AKAP9: variants seen among roughly 807,000 people sequenced by gnomAD.
AKAP9 encodes A-kinase anchor protein 9.
Under a neutral mutation model 488.5 loss-of-function variants are expected in AKAP9, and 311 were observed. The ratio of observed to expected loss-of-function variants is 0.64; its 90% CI spans 0.58 to 0.70. The LOEUF (loss-of-function observed/expected upper bound fraction) is 0.70. Among genes scored for constraint, AKAP9 ranks in the 30% least tolerant of loss-of-function variants. The pLI is 0.00. For missense variants in AKAP9, 4,215 were observed against 4,374.5 expected (o/e 0.96, Z 1.03); for synonymous variants, 1,462 against 1,483.5 (o/e 0.99, Z 0.33).
At position 92,083,493 on chromosome 7, in the gene AKAP9, T is replaced by G; in HGVS notation, c.8484T>G (p.Ile2828Met). Reference sequence around the variant, plus strand: ...TAATCAGTCAGTTTACTGAAAAAATTGAGAAGATGCAAGAACTACATGCTG... The same window carrying G: ...TAATCAGTCAGTTTACTGAAAAAATGGAGAAGATGCAAGAACTACATGCTG... ...TEIISQFTEK[I>M]EKMQELHAAE... is the part of the protein sequence containing the mutation. Residue 2828 changes from isoleucine (I) to methionine (M), a missense_variant, in exon 33 of 50, where the codon ATT becomes ATG. This residue lies in a region of AKAP9 where 1,476 missense variants were observed against 1,477.4 expected (regional missense o/e 1.00). Transcript: ENST00000356239. 6.2e-7 allele frequency: 1 copy of G among 1,612,140 alleles called. No homozygotes were observed. Among genetic ancestry groups the G allele is most frequent in the Non-Finnish European group, 8.5e-7 (1 of 1,179,138 alleles).
At chr7:91,983,205 C>T (rs919958388) in intron 3 of AKAP9, among the ~76,000 whole-genome samples, 2 of 152,048 alleles carry the variant, frequency 1.3e-5, no homozygotes, top group South Asian at 2.1e-4. Context: ...TCCTCCTGCC[C>T]GCCACCCCAC....
At chr7:92,086,446 T>G in intron 37 of AKAP9, 30 bp downstream of exon 37, 1 of 1,541,950 alleles carries the variant, frequency 6.5e-7, no homozygotes, top group South Asian at 1.1e-5. Flanking sequence ...TAAAAACACT[T>G]TAATAGAAAT....
At chr7:91,966,357 AT>A (rs975442579) in intron 1 of AKAP9, among the ~76,000 whole-genome samples, 2 of 151,588 alleles carry the variant, frequency 1.3e-5, no homozygotes, top group African/African-American at 4.8e-5. Context: ...TTTTGATGTG[AT>A]TTTTTTTGTA....
At chr7:92,089,347 A>C in intron 37 of AKAP9, 38 bp from the exon 38 acceptor site, 1 of 1,608,632 alleles carries the variant, frequency 6.2e-7, no homozygotes, top group Non-Finnish European at 8.5e-7. Flanking sequence ...TTGCCTTTAC[A>C]TTGCTCTTCA....
In AKAP9 at chr7:91,942,651, AGCAGT is replaced by A. The variant is rs1790919167; in HGVS notation, c.48+1505_48+1509del. The stretch of plus-strand genomic sequence containing the variant: ...AAATGTCTTTCCTGAATATATGTGA[AGCAGT>A]CCTACAAAACATGGTTTACTTTGGA... On this transcript the variant is annotated intron_variant, in intron 1 of 49. Coordinates refer to ENST00000356239, the MANE Select transcript of AKAP9 (RefSeq NM_005751.5). Among the ~76,000 whole-genome samples, 4 of 152,366 alleles carry A rather than the reference AGCAGT, an allele frequency of 2.6e-5. 1 individual carries two copies.
At chr7:91,993,174 C>A (rs1340209161) in intron 5 of AKAP9, 119 bp downstream of exon 5, 4 of 1,035,620 alleles carry the variant, frequency 3.9e-6, no homozygotes, top group African/African-American at 3.3e-5. Flanking sequence ...TTTTTCTTTT[C>A]TTTTCTTCTT....
At chr7:92,078,925 T>C (rs970368809) in intron 30 of AKAP9, among the ~76,000 whole-genome samples, 154 bp from the exon 31 acceptor site, 1 of 152,184 alleles carries the variant, frequency 6.6e-6, no homozygotes. Flanking sequence ...GGGGGAGATA[T>C]TGGTCTATAA....
At chr7:91,969,737 T>C (rs1005423672) in intron 1 of AKAP9, among the ~76,000 whole-genome samples, 13 of 152,192 alleles carry the variant, frequency 8.5e-5, no homozygotes, top group South Asian at 2.1e-4. Context: ...CTGTTCTTTT[T>C]TGGTGTCCAG....
chr7:92,028,839 G>T (rs940395747), intron 14 of AKAP9, among the ~76,000 whole-genome samples: 1 of 152,188 alleles, frequency 6.6e-6, no homozygotes, highest in African/African-American at 2.4e-5. Context: ...CCATGGAAGT[G>T]TGCCAAGATA....
In AKAP9 at chr7:92,102,450, ACTACTAC is replaced by A. The variant is rs1178698621; in HGVS notation, c.11098-143_11098-137del. 3.0e-5 allele frequency: 3 copies of A among 100,564 alleles called. No individual in the cohort carries two copies. In the East Asian group the frequency reaches 6.2e-4, roughly 21 times the overall value. 6.2% of individuals were successfully genotyped at this position (100,564 alleles called of 1,614,324 possible). On this transcript the variant is annotated intron_variant, in intron 45 of 49. Coordinates refer to ENST00000356239, the MANE Select transcript of AKAP9 (RefSeq NM_005751.5). Reference sequence around the variant, plus strand: ...GATAGGAACCTGCCGTTTTACTATTACTACTACTACTACTACTACTACTACTACTACT... The same window carrying A: ...GATAGGAACCTGCCGTTTTACTATTATACTACTACTACTACTACTACTACT...
intron 38 of AKAP9, among the ~76,000 whole-genome samples, chr7:92,091,792 G>T (rs1815684119): frequency 6.6e-6 from 1 of 152,022 alleles, no homozygotes; most frequent in Non-Finnish European, 1.5e-5. Flanking sequence ...ACCATTGAAA[G>T]CTTAATGTCA....
chr7:92,089,026 CAAAG>C (rs889674545), intron 37 of AKAP9, among the ~76,000 whole-genome samples: 14 of 152,188 alleles, frequency 9.2e-5, no homozygotes, highest in South Asian at 2.1e-4. Flanking sequence ...TCATGAAAGA[CAAAG>C]AAAGACTTGG....
rs1380237824 is a variant in AKAP9 at position 92,083,404 on chromosome 7, G to A, written c.8395G>A (p.Val2799Ile). 2 of 1,613,936 alleles carry A rather than the reference G, an allele frequency of 1.2e-6. No individual in the cohort carries two copies. Among genetic ancestry groups the A allele is most frequent in the Non-Finnish European group, 8.5e-7 (1 of 1,179,980 alleles). Reference sequence around the variant, plus strand: ...CAGCAATCAGACTCCACAAATTCTTGTTAAAAATGCAGGAATACAAATTAA... The same window carrying A: ...CAGCAATCAGACTCCACAAATTCTTATTAAAAATGCAGGAATACAAATTAA... ...SSSNQTPQIL[V>I]KNAGIQINLQ... The change falls in exon 33 of 50, where the codon GTT (valine) becomes ATT (isoleucine). Residue 2799 changes from valine to isoleucine, a missense_variant. This residue lies in a region of AKAP9 where 1,476 missense variants were observed against 1,477.4 expected (regional missense o/e 1.00). Transcript: ENST00000356239.
chr7:92,038,661 A>C lies in AKAP9; in HGVS notation c.4581A>C (p.Glu1527Asp). The C allele has an allele frequency of 6.2e-7, 1 of 1,610,558 alleles. No homozygotes were observed. Among genetic ancestry groups the C allele is most frequent in the Non-Finnish European group, 8.5e-7 (1 of 1,178,366 alleles). ...LSKELGEHGK[E>D]ILLSNSDPHD... is the part of the protein sequence containing the mutation. Reference sequence around the variant, plus strand: ...AAGAGTTAGGAGAACATGGAAAGGAAATTTTATTATCAAATAGTGATCCCC... The same window carrying C: ...AAGAGTTAGGAGAACATGGAAAGGACATTTTATTATCAAATAGTGATCCCC... Residue 1527 changes from glutamate (E) to aspartate (D), a missense_variant, in exon 17 of 50, where the codon GAA becomes GAC. Glu to Asp is a conservative substitution (Grantham distance 45). Coordinates refer to ENST00000356239, the MANE Select transcript of AKAP9 (RefSeq NM_005751.5).
At chr7:92,026,286 T>C (rs1345489188) in intron 14 of AKAP9, among the ~76,000 whole-genome samples, 3 of 152,116 alleles carry the variant, frequency 2.0e-5, no homozygotes, top group Admixed American at 6.5e-5. Flanking sequence ...TCAAATACTG[T>C]AAAGCTTAAA....
intron 17 of AKAP9, among the ~76,000 whole-genome samples, chr7:92,039,193 C>T (rs1476731775): frequency 6.6e-6 from 1 of 152,092 alleles, no homozygotes; most frequent in Admixed American, 6.6e-5. Context: ...CATGAGCCAC[C>T]GTGCCCAGCC....
At position 92,001,512 on chromosome 7, in the gene AKAP9, A is replaced by T. The variant is rs756685692; in HGVS notation, c.1595A>T (p.Asp532Val). ...EKCALQRQLE[D>V]LVEELSFSRE... ...TGTGCTCTACAGAGACAGCTTGAAG[A>T]CCTTGTTGAAGAATTGAGCTTTTCA... The change falls in exon 8 of 50, where the codon GAC becomes GTC. Residue 532 changes from aspartate (D) to valine (V), a missense_variant. By Grantham distance (152) the Asp-to-Val change is radical. Around this residue, in one of 5 missense-constraint regions of AKAP9, gnomAD observed 2,361 missense variants for 2,430.0 expected, o/e 0.97. Transcript: ENST00000356239. 44 of 1,613,914 alleles carry T rather than the reference A, an allele frequency of 2.7e-5. No homozygotes were observed. Among genetic ancestry groups the T allele is most frequent in the Non-Finnish European group, 3.6e-5 (43 of 1,179,862 alleles).
chr7:91,947,554 C>T (rs1227343023), intron 1 of AKAP9, among the ~76,000 whole-genome samples: 1 of 152,150 alleles, frequency 6.6e-6, no homozygotes, highest in Non-Finnish European at 1.5e-5. Context: ...ATTGGCCAGG[C>T]TGGTCTCAAA....
At position 92,097,351 on chromosome 7, in the gene AKAP9, T is replaced by C. The variant is rs773258039; in HGVS notation, c.10392T>C (p.Leu3464=). The change falls in exon 41 of 50, where the codon CTT becomes CTC. Residue 3464 remains leucine, a synonymous_variant. Transcript: ENST00000356239. ...GTAGAAGAATTCTGTATCAGAACCTTAATGAGGTAAACTGACAGTTTCTTT... is the reference window on the plus strand; with the variant it reads ...GTAGAAGAATTCTGTATCAGAACCTCAATGAGGTAAACTGACAGTTTCTTT... ...RESRRILYQN[L]NEPTTWSLTS... 6.2e-7 allele frequency: 1 copy of C among 1,613,074 alleles called. No individual in the cohort carries two copies. The highest frequency in any genetic ancestry group is 2.2e-5 in the East Asian group (1 of 44,844).
Sources: gnomAD v4.1 joint callset for allele counts (sites outside exome capture counted in the v4.1 genomes callset) on GRCh38, gnomAD v4.1.1 for gene constraint, gnomAD v4.1.1 regional missense constraint, MANE v1.5 for transcripts, NCBI Gene and HGNC (gene_info 2026-07-23, HGNC 2026-07-21) for gene names.